DNAJC16: variants seen among roughly 807,000 people sequenced by gnomAD.
DNAJC16 encodes DnaJ heat shock protein family (Hsp40) member C16, also known as dnaJ homolog subfamily C member 16.
Under a neutral mutation model 92.7 loss-of-function variants are expected in DNAJC16, and 76 were observed. The ratio of observed to expected loss-of-function variants is 0.82; its 90% CI spans 0.68 to 0.99. The LOEUF (loss-of-function observed/expected upper bound fraction) is 0.99. Among genes scored for constraint, DNAJC16 ranks in the 50% least tolerant of loss-of-function variants. The pLI, the probability that DNAJC16 is intolerant of heterozygous loss-of-function variation, is 0.00. For missense variants in DNAJC16, 869 were observed against 942.4 expected (o/e 0.92, Z 1.02); for synonymous variants, 328 against 358.7 (o/e 0.91, Z 0.97).
intron 4 of DNAJC16, among the ~76,000 whole-genome samples, chr1:15,538,666 G>A (rs1323860640): frequency 1.3e-5 from 2 of 152,094 alleles, no homozygotes; most frequent in East Asian, 1.9e-4. Flanking sequence ...GCTGTGAGCT[G>A]AGATCACACC....
At position 15,568,087 on chromosome 1, in the gene DNAJC16, A is replaced by G. The variant is rs762518650; in HGVS notation, c.2259A>G (p.Gly753=). The change falls in exon 15 of 15, where the codon GGA becomes GGG. Residue 753 remains glycine (G), a synonymous_variant. Transcript: ENST00000375847. The part of the protein sequence containing the change: ...SCGLGSRPIK[G]KLSKLSLWME... ...GCCTTGGATCCAGGCCCATCAAAGGAAAGTTGAGCAAGCTCTCTTTATGGA... is the reference window on the plus strand; with the variant it reads ...GCCTTGGATCCAGGCCCATCAAAGGGAAGTTGAGCAAGCTCTCTTTATGGA... 5.7e-5 allele frequency: 92 copies of G among 1,614,036 alleles called. No homozygotes were observed. Among genetic ancestry groups the G allele is most frequent in the East Asian group, 1.1e-4 (5 of 44,892 alleles).
chr1:15,549,001 C>T (rs1338016184), intron 7 of DNAJC16, among the ~76,000 whole-genome samples: 1 of 152,134 alleles, frequency 6.6e-6, no homozygotes, highest in Non-Finnish European at 1.5e-5. Context: ...TTAAATCTCA[C>T]AAGTAATCAG....
intron 5 of DNAJC16, among the ~76,000 whole-genome samples, chr1:15,545,403 G>T (rs952745304): frequency 2.0e-5 from 3 of 152,200 alleles, no homozygotes; most frequent in African/African-American, 7.2e-5. Context: ...TTCTAAAATG[G>T]TGATAGATTG....
At chr1:15,534,638 T>C (rs1239492738) in intron 3 of DNAJC16, among the ~76,000 whole-genome samples, 1 of 152,068 alleles carries the variant, frequency 6.6e-6, no homozygotes, top group Non-Finnish European at 1.5e-5. Context: ...GGCAGGAGAA[T>C]TGCTTGAACC....
chr1:15,551,699 G>C (rs1203458567), intron 7 of DNAJC16, among the ~76,000 whole-genome samples: 2 of 151,294 alleles, frequency 1.3e-5, no homozygotes, highest in Non-Finnish European at 2.9e-5. Flanking sequence ...CTGCAGTTCC[G>C]ACTTCCTGGG....
At chr1:15,528,613 C>T (rs868003719) in intron 1 of DNAJC16, among the ~76,000 whole-genome samples, 1 of 152,176 alleles carries the variant, frequency 6.6e-6, no homozygotes, top group Non-Finnish European at 1.5e-5. Flanking sequence ...AATGCCACAA[C>T]TATCTCATTT....
chr1:15,557,410 G>C (rs1427914894), intron 7 of DNAJC16, among the ~76,000 whole-genome samples: 2 of 152,074 alleles, frequency 1.3e-5, no homozygotes, highest in African/African-American at 2.4e-5. Flanking sequence ...TTCATGGTTG[G>C]TTTTACCAGA....
intron 7 of DNAJC16, among the ~76,000 whole-genome samples, chr1:15,550,931 A>G (rs1410290462): frequency 2.0e-5 from 3 of 152,170 alleles, no homozygotes; most frequent in African/African-American, 7.2e-5. Flanking sequence ...GTGCAATGGC[A>G]TGATCTCGGC....
intron 7 of DNAJC16, among the ~76,000 whole-genome samples, chr1:15,554,924 T>C (rs1638531576): frequency 6.6e-6 from 1 of 152,160 alleles, no homozygotes; most frequent in South Asian, 2.1e-4. Flanking sequence ...CTGTTTCATT[T>C]GTTTAGGTCT....
In DNAJC16 at chr1:15,564,079, G is replaced by C. The variant is rs1346857322; in HGVS notation, c.1489G>C (p.Val497Leu). The C allele has an allele frequency of 2.5e-6, 4 of 1,614,094 alleles. No homozygotes were observed. The highest frequency in any genetic ancestry group is 8.5e-7 in the Non-Finnish European group (1 of 1,180,032). The change falls in exon 10 of 15, where the codon GTG becomes CTG. Residue 497 changes from valine (V) to leucine (L), a missense_variant. Physicochemically the swap from Val to Leu is conservative, Grantham distance 32. Transcript: ENST00000375847. Reference protein sequence around the residue: ...KDPALLSSEAVLPDLTDELAP... With the variant: ...KDPALLSSEALLPDLTDELAP... Reference sequence around the variant, plus strand: ...TCCAGCTCTTCTGTCCTCTGAAGCAGTGCTTCCTGACCTGACCGATGAACT... The same window carrying C: ...TCCAGCTCTTCTGTCCTCTGAAGCACTGCTTCCTGACCTGACCGATGAACT...
intron 7 of DNAJC16, among the ~76,000 whole-genome samples, chr1:15,553,952 C>CCAG (rs1638510697): frequency 6.6e-6 from 1 of 152,056 alleles, no homozygotes; most frequent in Non-Finnish European, 1.5e-5. Flanking sequence ...ACCTGTAATG[C>CCAG]CAGCACTCTG....
chr1:15,571,129 G>GGCCATGGTCTCACT lies in DNAJC16; in HGVS notation c.*2958_*2971dup. ...TGAGGCTGCCCTAACTTCCATTAGGGGCCATGGTCTCACTGCCATCACTTA... is the reference window on the plus strand; with the variant it reads ...TGAGGCTGCCCTAACTTCCATTAGGGGCCATGGTCTCACTGCCATGGTCTCACTGCCATCACTTA... On this transcript the variant is annotated 3_prime_UTR_variant, in exon 15 of 15. Coordinates refer to ENST00000375847, the MANE Select transcript of DNAJC16 (RefSeq NM_015291.4). 1 of 152,256 alleles carries GGCCATGGTCTCACT rather than the reference G, an allele frequency of 6.6e-6. No homozygotes were observed. The highest frequency in any genetic ancestry group is 2.1e-4 in the South Asian group (1 of 4,826). 9.4% of individuals were successfully genotyped at this position (152,256 alleles called of 1,614,324 possible).
chr1:15,534,650 G>A (rs574637136), intron 3 of DNAJC16, among the ~76,000 whole-genome samples: 38 of 152,216 alleles, frequency 2.5e-4, no homozygotes, highest in African/African-American at 8.4e-4. Context: ...GCTTGAACCC[G>A]GGAGTGGGAG....
intron 7 of DNAJC16, among the ~76,000 whole-genome samples, chr1:15,558,171 CTTTTTTTTTTTTT>C (rs1184997158): frequency 8.5e-6 from 1 of 117,800 alleles, no homozygotes; most frequent in Admixed American, 8.9e-5. Context: ...ATACCCAGCC[CTTTTTTTTTTTTT>C]TTTTTTTTTT....
chr1:15,536,112 T>C (rs2103405576), intron 3 of DNAJC16, among the ~76,000 whole-genome samples: 1 of 149,464 alleles, frequency 6.7e-6, no homozygotes, highest in South Asian at 2.2e-4. Flanking sequence ...TCGCTCTTGT[T>C]GCCTAGGCTG....
At chr1:15,536,319 A>T (rs969020768) in intron 3 of DNAJC16, among the ~76,000 whole-genome samples, 156 bp from the exon 4 acceptor site, 5 of 151,860 alleles carry the variant, frequency 3.3e-5, no homozygotes, top group Admixed American at 1.3e-4. Context: ...ACCTCAAGTG[A>T]TCCACCCGCC....
chr1:15,562,824 A>G (rs72645825), intron 9 of DNAJC16, among the ~76,000 whole-genome samples: 1 of 151,332 alleles, frequency 6.6e-6, no homozygotes, highest in African/African-American at 2.4e-5. Context: ...GTCTTTTTAC[A>G]TTCTGGATGT....
At chr1:15,557,137 CTT>C (rs1638586999) in intron 7 of DNAJC16, among the ~76,000 whole-genome samples, 1 of 152,198 alleles carries the variant, frequency 6.6e-6, no homozygotes, top group Non-Finnish European at 1.5e-5. Context: ...ATGAGATTGA[CTT>C]CTAACTTTTC....
At chr1:15,544,090 G>A (rs1284074943) in intron 4 of DNAJC16, among the ~76,000 whole-genome samples, 1 of 150,378 alleles carries the variant, frequency 6.6e-6, no homozygotes, top group Non-Finnish European at 1.5e-5. Flanking sequence ...AACAAGAAAA[G>A]TTGTTCAAGT....
Sources: allele counts gnomAD v4.1 joint callset (sites outside exome capture counted in the v4.1 genomes callset), GRCh38; gene constraint gnomAD v4.1.1; transcripts MANE v1.5; gene names NCBI Gene and HGNC (gene_info 2026-07-23, HGNC 2026-07-21).